Variants in OSBPL5 observed in about 807,000 individuals in gnomAD.
OSBPL5 encodes the protein oxysterol-binding protein-related protein 5.
OSBPL5 carries 71 observed loss-of-function variants against 111.2 expected under a neutral mutation model. The observed-to-expected ratio is 0.64, with a 90% CI of 0.53 to 0.78. OSBPL5 has a LOEUF of 0.78. Among genes scored for constraint, OSBPL5 ranks in the 30% least tolerant of loss-of-function variants. The pLI, the probability that OSBPL5 is intolerant of heterozygous loss-of-function variation, is 0.00. For missense variants in OSBPL5, 1,210 were observed against 1,189.3 expected (o/e 1.02, Z -0.26); for synonymous variants, 549 against 513.9 (o/e 1.07, Z -0.93).
chr11:3,111,981 GCGCA>G lies in OSBPL5; in HGVS notation c.692-4040_692-4037del, dbSNP rs1564837066. The stretch of plus-strand genomic sequence containing the variant: ...TGTGTGTGTGTGTGCATATGTGTGC[GCGCA>G]TGTGTGTGCATGTGTGTGTGTGTGC... On this transcript the variant is annotated intron_variant, in intron 7 of 21. Transcript: ENST00000263650. Among the ~76,000 whole-genome samples, 557 of 136,304 alleles carry G rather than the reference GCGCA, an allele frequency of 4.1e-3. 6 individuals are homozygous for G. Among genetic ancestry groups the G allele is most frequent in the Middle Eastern group, 0.015 (4 of 260 alleles). The allele number at this position is 136,304 out of a possible 152,430, so 89.4% of individuals were successfully genotyped here. A position where few individuals can be genotyped will look rare whatever the true frequency, so the allele number is the denominator to read the frequency against.
At chr11:3,116,757 A>G (rs1858221325) in intron 7 of OSBPL5, among the ~76,000 whole-genome samples, 1 of 150,184 alleles carries the variant, frequency 6.7e-6, no homozygotes, top group Non-Finnish European at 1.5e-5. Context: ...TGGGAGGCTG[A>G]GGCAGGAGAA....
Position 3,135,945 on chromosome 11 carries a change from C to T in OSBPL5, c.-21-6776G>A, listed in dbSNP as rs969884709. On this transcript the variant is annotated intron_variant, in intron 1 of 21. Transcript: ENST00000263650. Reference sequence around the variant, plus strand: ...GGGCTGACCACCCCTCCCCAACCCCCACTGCATAGGCTGGAGCAGGCTCTT... The same window carrying T: ...GGGCTGACCACCCCTCCCCAACCCCTACTGCATAGGCTGGAGCAGGCTCTT... Among the ~76,000 whole-genome samples, 8 of 152,232 alleles carry T rather than the reference C, an allele frequency of 5.3e-5. No homozygotes were observed. In the East Asian group the frequency reaches 5.8e-4, roughly 11 times the overall value.
intron 1 of OSBPL5, among the ~76,000 whole-genome samples, chr11:3,150,149 T>G (rs909819472): frequency 2.6e-5 from 4 of 152,140 alleles, no homozygotes; most frequent in Non-Finnish European, 4.4e-5. Flanking sequence ...AGGGCACTGT[T>G]GCCCTCCTGC....
intron 3 of OSBPL5, among the ~76,000 whole-genome samples, chr11:3,125,234 A>G (rs1397678622): frequency 6.6e-6 from 1 of 152,240 alleles, no homozygotes; most frequent in Non-Finnish European, 1.5e-5. Flanking sequence ...AAAATTCCTT[A>G]AAAATATAAT....
At chr11:3,094,112 A>G (rs1393589895) in intron 15 of OSBPL5, 125 bp downstream of exon 15, 2 of 932,410 alleles carry the variant, frequency 2.1e-6, no homozygotes, top group Non-Finnish European at 3.2e-6. Flanking sequence ...GGATGTCAAC[A>G]GCTGCTCCCC....
intron 1 of OSBPL5, among the ~76,000 whole-genome samples, chr11:3,144,106 C>T (rs1846248655): frequency 6.6e-6 from 1 of 152,144 alleles, no homozygotes; most frequent in Non-Finnish European, 1.5e-5. Flanking sequence ...AGCCCTGAGA[C>T]CAAACACGGG....
chr11:3,117,735 T>A (rs143918320), intron 7 of OSBPL5, among the ~76,000 whole-genome samples: 1 of 152,190 alleles, frequency 6.6e-6, no homozygotes, highest in Non-Finnish European at 1.5e-5. Context: ...ATGTTTTCAA[T>A]TTTTTTCCTT....
chr11:3,104,175 T>A lies in OSBPL5; in HGVS notation c.1244+18A>T. On this transcript the variant is annotated intron_variant, in intron 10 of 21. Transcript: ENST00000263650. The surrounding 1 kb of genome is among the most constrained non-coding windows in gnomAD (Gnocchi z 5.0). ...TGCAGGACGAGGTGTGGGGTGCCCC[T>A]CCCGGCATGGCGCGCACCTGGAGAG... 1 of 1,590,770 alleles carries A rather than the reference T, an allele frequency of 6.3e-7. No homozygotes were observed. Among genetic ancestry groups the A allele is most frequent in the Non-Finnish European group, 8.6e-7 (1 of 1,163,370 alleles).
In OSBPL5 at chr11:3,161,914, A is replaced by G. The variant is rs1846977297; in HGVS notation, c.-22+3302T>C. On this transcript the variant is annotated intron_variant, in intron 1 of 21. Coordinates refer to ENST00000263650, the MANE Select transcript of OSBPL5 (RefSeq NM_020896.4). This position sits in a 1 kb window ranked among gnomAD's most constrained non-coding sequence, Gnocchi z 8.0. ...CCGAAAGCAGAGGCACAGGCAGTGC[A>G]AAGGCCCTGGAGTAAGAAGCCGGGG... Among the ~76,000 whole-genome samples, 2 of 152,056 alleles carry G rather than the reference A, an allele frequency of 1.3e-5. No homozygotes were observed. Among genetic ancestry groups the G allele is most frequent in the Non-Finnish European group, 2.9e-5 (2 of 68,018 alleles).
At position 3,145,197 on chromosome 11, in the gene OSBPL5, C is replaced by T. The variant is rs562227627; in HGVS notation, c.-21-16028G>A. ...TGACGAAGCCCATCAACTTGCCCCA[C>T]TGCCTCCCATCGCCTGTGGCAGAGC... On this transcript the variant is annotated intron_variant, in intron 1 of 21. Transcript: ENST00000263650. Among the ~76,000 whole-genome samples, 6 of 152,356 alleles carry T rather than the reference C, an allele frequency of 3.9e-5. No individual in the cohort carries two copies. In the East Asian group the frequency reaches 1.2e-3, roughly 29 times the overall value.
chr11:3,148,035 C>T (rs1042404857), intron 1 of OSBPL5, among the ~76,000 whole-genome samples: 3 of 152,212 alleles, frequency 2.0e-5, no homozygotes, highest in Non-Finnish European at 4.4e-5. Context: ...CCAGACTTGG[C>T]ACACTGGCTG....
At position 3,142,619 on chromosome 11, in the gene OSBPL5, G is replaced by C. The variant is rs1336748556; in HGVS notation, c.-21-13450C>G. 6.6e-6 allele frequency among the ~76,000 whole-genome samples: 1 copy of C among 152,042 alleles called. No homozygotes were observed. Among genetic ancestry groups the C allele is most frequent in the Non-Finnish European group, 1.5e-5 (1 of 67,984 alleles). ...AGAGTCACCGTCTCGCGGGTGGAGA[G>C]CCTGGGTGGTGCGTTTATCAACAGG... On this transcript the variant is annotated intron_variant, in intron 1 of 21. Coordinates refer to ENST00000263650, the MANE Select transcript of OSBPL5 (RefSeq NM_020896.4). This position sits in a 1 kb window ranked among gnomAD's most constrained non-coding sequence, Gnocchi z 7.1.
chr11:3,096,242 T>C (rs561278308), intron 14 of OSBPL5, among the ~76,000 whole-genome samples: 1 of 152,344 alleles, frequency 6.6e-6, no homozygotes, highest in Non-Finnish European at 1.5e-5. Context: ...GCTGGGGATA[T>C]GAACCAGATT....
At position 3,088,300 on chromosome 11, in the gene OSBPL5, C is replaced by T. The variant is rs1367569469; in HGVS notation, c.2545G>A (p.Ala849Thr). 3 of 1,603,922 alleles carry T rather than the reference C, an allele frequency of 1.9e-6. No homozygotes were observed. The highest frequency in any genetic ancestry group is 3.4e-5 in the Admixed American group (2 of 58,866). ...CTCTGCAGGAGGCCTGGGGTCGGTG[C>T]CTGTGCTGCCCGTGCCGTGGAGCTC... ...MLSSTARAAQAPTPGLLQSPR... is the reference protein window; with the variant it reads ...MLSSTARAAQTPTPGLLQSPR... The change falls in exon 22 of 22, where the codon GCA becomes ACA. Residue 849 changes from alanine (A) to threonine (T), a missense_variant. By Grantham distance (58) the Ala-to-Thr change is moderately conservative (BLOSUM62 0). Coordinates refer to ENST00000263650, the MANE Select transcript of OSBPL5 (RefSeq NM_020896.4).
intron 6 of OSBPL5, among the ~76,000 whole-genome samples, chr11:3,120,171 G>A (rs530995608): frequency 6.6e-6 from 1 of 152,182 alleles, no homozygotes; most frequent in Non-Finnish European, 1.5e-5. Flanking sequence ...GTCCCTCCTG[G>A]ACAGCAGCTG....
intron 21 of OSBPL5, 37 bp from the exon 22 acceptor site, chr11:3,088,380 A>G (rs1427319220): frequency 4.7e-6 from 7 of 1,477,956 alleles, no homozygotes; most frequent in Non-Finnish European, 6.3e-6. Context: ...GGGCTGTGCC[A>G]ATGCCAGCAA....
rs972089669 is a variant in OSBPL5, at chr11:3,161,285, TC to T, written c.-22+3930del. 1 of 152,200 alleles carries T rather than the reference TC, an allele frequency of 6.6e-6. No homozygotes were observed. Among genetic ancestry groups the T allele is most frequent in the African/African-American group, 2.4e-5 (1 of 41,454 alleles). 9.4% of individuals were successfully genotyped at this position (152,200 alleles called of 1,614,324 possible). On this transcript the variant is annotated intron_variant, in intron 1 of 21. Coordinates refer to ENST00000263650, the MANE Select transcript of OSBPL5 (RefSeq NM_020896.4). This position sits in a 1 kb window ranked among gnomAD's most constrained non-coding sequence, Gnocchi z 8.0. ...CATTCACCAAACACACTATTAGGCATCCCGAGGAGGTGAGACACCCTAAGGG... is the reference window on the plus strand; with the variant it reads ...CATTCACCAAACACACTATTAGGCATCCGAGGAGGTGAGACACCCTAAGGG...
intron 1 of OSBPL5, among the ~76,000 whole-genome samples, chr11:3,148,789 C>G (rs574217603): frequency 2.6e-5 from 4 of 152,200 alleles, no homozygotes; most frequent in South Asian, 2.1e-4. Flanking sequence ...CAGAGGGAGG[C>G]TAAGGGTTTT....
chr11:3,144,963 A>G (rs1846290339), intron 1 of OSBPL5, among the ~76,000 whole-genome samples: 1 of 152,230 alleles, frequency 6.6e-6, no homozygotes. Context: ...GGACCTGGAC[A>G]CATTTTTGGG....
Sources: allele counts gnomAD v4.1 joint callset (sites outside exome capture counted in the v4.1 genomes callset), GRCh38; gene constraint gnomAD v4.1.1; non-coding constraint Gnocchi (gnomAD v3.1); transcripts MANE v1.5; gene names NCBI Gene and HGNC (gene_info 2026-07-23, HGNC 2026-07-21).